PLCE1: variants seen among roughly 807,000 people sequenced by gnomAD.
PLCE1 encodes the protein phospholipase C epsilon 1.
A neutral mutation model predicts 242.8 loss-of-function variants in PLCE1; 119 were observed. The observed-to-expected ratio is 0.49, with a 90% CI of 0.42 to 0.57. The LOEUF is 0.57. Among genes scored for constraint, PLCE1 ranks in the 20% least tolerant of loss-of-function variants. PLCE1 has a pLI of 0.00. For missense variants in PLCE1, 2,441 were observed against 2,788.8 expected, an observed-to-expected ratio of 0.88 and a Z score of 2.81; for synonymous variants, 945 against 1,017.4, an observed-to-expected ratio of 0.93 and a Z score of 1.35.
intron 29 of PLCE1, 106 bp from the exon 30 acceptor site, chr10:94,321,795 G>C (rs1391835885): frequency 1.3e-6 from 1 of 783,998 alleles, no homozygotes; most frequent in Non-Finnish European, 2.2e-6. Flanking sequence ...ATTAAGCTAA[G>C]AAGTTTCTAC....
chr10:94,136,561 C>A (rs113138894), intron 3 of PLCE1, among the ~76,000 whole-genome samples: 6 of 152,082 alleles, frequency 3.9e-5, no homozygotes, highest in Non-Finnish European at 8.8e-5. Context: ...CTGTACTAGG[C>A]GAAAATAGAA....
At chr10:94,179,959 A>T (rs2048258690) in intron 4 of PLCE1, among the ~76,000 whole-genome samples, 1 of 152,004 alleles carries the variant, frequency 6.6e-6, no homozygotes, top group African/African-American at 2.4e-5. Flanking sequence ...AACCACTAAC[A>T]TAACAGCATT....
chr10:94,093,315 G>A (rs987666132), intron 2 of PLCE1, among the ~76,000 whole-genome samples: 1 of 152,186 alleles, frequency 6.6e-6, no homozygotes, highest in African/African-American at 2.4e-5. Flanking sequence ...ACCATGTCAT[G>A]TCACTGTTTT....
At chr10:94,288,721 C>T (rs1254654930) in intron 22 of PLCE1, among the ~76,000 whole-genome samples, 2 of 152,110 alleles carry the variant, frequency 1.3e-5, no homozygotes, top group East Asian at 1.9e-4. Flanking sequence ...TGGTGAGGCT[C>T]GTCCGGAAGA....
chr10:94,161,206 G>A (rs542888526), intron 3 of PLCE1, among the ~76,000 whole-genome samples: 1 of 152,310 alleles, frequency 6.6e-6, no homozygotes, highest in South Asian at 2.1e-4. Context: ...AAAGTTATTG[G>A]TAGCTTGATG....
At chr10:94,152,062 A>G (rs1489090680) in intron 3 of PLCE1, among the ~76,000 whole-genome samples, 4 of 152,326 alleles carry the variant, frequency 2.6e-5, no homozygotes, top group African/African-American at 9.6e-5. Context: ...TAAAAGTCCT[A>G]GAAGAAAACC....
intron 4 of PLCE1, among the ~76,000 whole-genome samples, chr10:94,187,611 C>T (rs1269855826): frequency 1.3e-5 from 2 of 152,050 alleles, no homozygotes; most frequent in African/African-American, 4.8e-5. Flanking sequence ...CCCCAAGCAG[C>T]TTGGCCACAG....
chr10:94,258,695 T>G, intron 11 of PLCE1, 105 bp from the exon 12 acceptor site: 1 of 1,305,818 alleles, frequency 7.7e-7, no homozygotes, highest in East Asian at 2.3e-5. Context: ...TTAAATAACT[T>G]GCACTCATCC....
rs1410783767 is a variant in PLCE1 at position 93,994,026 on chromosome 10, C to T, written c.-597C>T. ...TGGGCAACGCGGCGGGCGGCGGGCT[C>T]GCGCGGCGGGAGGGGCAGCGGCGGC... is the stretch of plus-strand genomic sequence containing the variant. On this transcript the variant is annotated 5_prime_UTR_variant, in exon 1 of 33. Transcript: ENST00000371380. 1.3e-5 allele frequency among the ~76,000 whole-genome samples: 2 copies of T among 151,650 alleles called. No homozygotes were observed. The highest frequency in any genetic ancestry group is 2.9e-5 in the Non-Finnish European group (2 of 67,816).
intron 2 of PLCE1, among the ~76,000 whole-genome samples, chr10:94,059,295 A>G (rs12258726): frequency 0.03 from 4,492 of 152,246 alleles, 217 homozygotes; most frequent in African/African-American, 0.1. Flanking sequence ...AATTGCCACA[A>G]AAACTGGGAC....
chr10:94,131,745 T>C (rs1472643832), intron 2 of PLCE1, among the ~76,000 whole-genome samples: 4 of 152,184 alleles, frequency 2.6e-5, no homozygotes, highest in African/African-American at 9.7e-5. Flanking sequence ...AGTTTAAGCA[T>C]GGAGAAAAGA....
At chr10:94,171,109 C>T (rs1250953150) in intron 3 of PLCE1, 71 bp from the exon 4 acceptor site, 1 of 1,222,730 alleles carries the variant, frequency 8.2e-7, no homozygotes, top group East Asian at 2.3e-5. Context: ...TTTGGAATGG[C>T]TCTCAAGTAA....
intron 2 of PLCE1, among the ~76,000 whole-genome samples, chr10:94,082,736 C>G (rs555704013): frequency 6.6e-6 from 1 of 152,202 alleles, no homozygotes; most frequent in South Asian, 2.1e-4. Flanking sequence ...ATAATTTTTT[C>G]CATACATTAG....
intron 4 of PLCE1, among the ~76,000 whole-genome samples, chr10:94,175,067 TA>T (rs2048089632): frequency 1.3e-5 from 2 of 152,202 alleles, no homozygotes; most frequent in Admixed American, 1.3e-4. Flanking sequence ...AAAAAAATTG[TA>T]AGCAGTGAGC....
intron 2 of PLCE1, chr10:94,106,227 C>T (rs929893908): frequency 2.6e-5 from 4 of 152,204 alleles, no homozygotes; most frequent in Non-Finnish European, 4.4e-5. Flanking sequence ...ATGTATTCTT[C>T]CAGATGCTTT....
intron 29 of PLCE1, among the ~76,000 whole-genome samples, chr10:94,319,864 CTTTTTT>C (rs58610099): frequency 0.015 from 1,412 of 92,926 alleles, 32 homozygotes; most frequent in African/African-American, 0.046. Context: ...CAAAGGTGCT[CTTTTTT>C]TTTTTTTTTT....
chr10:93,996,281 G>A (rs899106028), intron 1 of PLCE1, among the ~76,000 whole-genome samples: 2 of 152,240 alleles, frequency 1.3e-5, no homozygotes, highest in Non-Finnish European at 2.9e-5. Context: ...GAGAAGCAGA[G>A]GAAAAGCCAA....
chr10:94,118,824 G>A (rs1420876004), intron 2 of PLCE1, among the ~76,000 whole-genome samples: 1 of 152,172 alleles, frequency 6.6e-6, no homozygotes, highest in Non-Finnish European at 1.5e-5. Context: ...ACAGGACAGA[G>A]GTAGTCTATC....
chr10:94,123,594 C>A (rs2046357926), intron 2 of PLCE1, among the ~76,000 whole-genome samples: 1 of 152,214 alleles, frequency 6.6e-6, no homozygotes, highest in East Asian at 1.9e-4. Flanking sequence ...GCTGCAACTA[C>A]CCCCTCCAAC....
Sources: allele counts gnomAD v4.1 joint callset (sites outside exome capture counted in the v4.1 genomes callset), GRCh38; gene constraint gnomAD v4.1.1; transcripts MANE v1.5; gene names NCBI Gene and HGNC (gene_info 2026-07-23, HGNC 2026-07-21).